Variants in CHSY3 observed in about 807,000 individuals in gnomAD.
CHSY3 encodes the protein N-acetylgalactosaminyl-proteoglycan 3-beta-glucuronosyltransferase 3.
In CHSY3, 35 loss-of-function variants were observed where a neutral mutation model predicts 67.2. That is an observed-to-expected ratio of 0.52 (90% CI 0.40 to 0.69). The LOEUF (loss-of-function observed/expected upper bound fraction) is 0.69, where lower values mean the gene tolerates loss of function less well. Among genes scored for constraint, CHSY3 ranks in the 30% least tolerant of loss-of-function variants. The pLI is 0.00. For synonymous variants in CHSY3, 474 were observed against 434.7 expected (o/e 1.09, Z -1.12); for missense variants, 1,069 against 1,138.5 (o/e 0.94, Z 0.88).
intron 2 of CHSY3, among the ~76,000 whole-genome samples, chr5:130,142,816 G>T (rs1172595657): frequency 6.6e-6 from 1 of 152,104 alleles, no homozygotes; most frequent in Non-Finnish European, 1.5e-5. Context: ...GGGACTGGAA[G>T]GGCCAAGGCT....
chr5:130,164,743 A>G (rs1296907203), intron 2 of CHSY3, among the ~76,000 whole-genome samples: 1 of 152,168 alleles, frequency 6.6e-6, no homozygotes, highest in Non-Finnish European at 1.5e-5. Flanking sequence ...ATCCTTCAGA[A>G]AATTCCCGAG....
intron 2 of CHSY3, among the ~76,000 whole-genome samples, chr5:130,113,195 A>G (rs1332746479): frequency 1.3e-5 from 2 of 152,114 alleles, no homozygotes; most frequent in Admixed American, 6.6e-5. Context: ...ATCAGCTAAC[A>G]TTTATAACAA....
Position 129,904,984 on chromosome 5 carries a change from C to T in CHSY3, c.155C>T (p.Ala52Val). 1.3e-6 allele frequency: 2 copies of T among 1,568,232 alleles called. No individual in the cohort carries two copies. Among genetic ancestry groups the T allele is most frequent in the Non-Finnish European group, 8.6e-7 (1 of 1,163,082 alleles). Residue 52 changes from alanine to valine, a missense_variant, in exon 1 of 3, where the codon GCT (alanine) becomes GTT (valine). By Grantham distance (64) the Ala-to-Val change is moderately conservative. Coordinates refer to ENST00000305031, the MANE Select transcript of CHSY3 (RefSeq NM_175856.5). ...CTCTGCTCCTACTACGGTCGCTCTG[C>T]TGCTGGCCCCCGCGCCGGCGCTCAG... ...SSLCSYYGRS[A>V]AGPRAGAQQP...
intron 2 of CHSY3, among the ~76,000 whole-genome samples, chr5:130,147,319 T>G (rs1397403364): frequency 6.6e-6 from 1 of 152,232 alleles, no homozygotes; most frequent in East Asian, 1.9e-4. Flanking sequence ...GAGTTGTGAT[T>G]GTATCAACTG....
intron 2 of CHSY3, among the ~76,000 whole-genome samples, chr5:129,917,457 C>G (rs1374297248): frequency 6.6e-6 from 1 of 152,146 alleles, no homozygotes; most frequent in Admixed American, 6.5e-5. Flanking sequence ...AGAGTAATGT[C>G]TCACAGTGTT....
At chr5:130,085,909 G>C (rs192434900) in intron 2 of CHSY3, among the ~76,000 whole-genome samples, 3,430 of 152,206 alleles carry the variant, frequency 0.023, 125 homozygotes, top group African/African-American at 0.076. Context: ...TTTCCATGTA[G>C]TTGAGCGGTT....
At chr5:130,100,388 G>C (rs2149698158) in intron 2 of CHSY3, among the ~76,000 whole-genome samples, 1 of 149,226 alleles carries the variant, frequency 6.7e-6, no homozygotes, top group East Asian at 2.0e-4. Flanking sequence ...GTAGAGACGG[G>C]CTTTCACCGT....
At chr5:129,913,354 C>A (rs1760631047) in intron 2 of CHSY3, among the ~76,000 whole-genome samples, 1 of 152,100 alleles carries the variant, frequency 6.6e-6, no homozygotes, top group Non-Finnish European at 1.5e-5. Context: ...AGTGATTTTC[C>A]AGTGAGACTG....
At chr5:129,972,952 G>A (rs756248609) in intron 2 of CHSY3, among the ~76,000 whole-genome samples, 28 of 151,658 alleles carry the variant, frequency 1.8e-4, no homozygotes, top group Non-Finnish European at 7.4e-5. Context: ...TTGATCTTTA[G>A]CCCACAGATA....
intron 2 of CHSY3, among the ~76,000 whole-genome samples, chr5:130,070,619 T>C (rs981345458): frequency 6.6e-6 from 1 of 152,112 alleles, no homozygotes; most frequent in African/African-American, 2.4e-5. Context: ...TTATCGGATG[T>C]TGAAACTGGA....
intron 2 of CHSY3, among the ~76,000 whole-genome samples, chr5:129,939,639 A>C (rs1405541411): frequency 6.6e-6 from 1 of 152,218 alleles, no homozygotes; most frequent in Non-Finnish European, 1.5e-5. Flanking sequence ...TATCTGAATG[A>C]TGCTTTGAAT....
intron 2 of CHSY3, among the ~76,000 whole-genome samples, chr5:130,177,877 C>T (rs577357390): frequency 6.6e-6 from 1 of 152,054 alleles, no homozygotes; most frequent in African/African-American, 2.4e-5. Flanking sequence ...TCTGGAACTA[C>T]TGTTATTTGG....
intron 2 of CHSY3, among the ~76,000 whole-genome samples, chr5:130,089,984 G>C (rs750547508): frequency 2.8e-4 from 43 of 152,122 alleles, no homozygotes; most frequent in Admixed American, 1.0e-3. Context: ...CACAGTAGAG[G>C]GAACGCATCT....
At chr5:130,150,189 G>A (rs1438350738) in intron 2 of CHSY3, among the ~76,000 whole-genome samples, 2 of 152,078 alleles carry the variant, frequency 1.3e-5, no homozygotes, top group African/African-American at 2.4e-5. Context: ...TTTTTCAGCA[G>A]TAAACAGAAG....
chr5:129,932,083 T>G lies in CHSY3; in HGVS notation c.1086+23723T>G, dbSNP rs116393580. Among the ~76,000 whole-genome samples, 258 of 144,162 alleles carry G rather than the reference T, an allele frequency of 1.8e-3. 2 individuals are homozygous for G. Among genetic ancestry groups the G allele is most frequent in the African/African-American group, 6.5e-3 (249 of 38,380 alleles). 94.6% of individuals were successfully genotyped at this position (144,162 alleles called of 152,430 possible). On this transcript the variant is annotated intron_variant, in intron 2 of 2. Transcript: ENST00000305031. The stretch of plus-strand genomic sequence containing the variant: ...TTTGTATATAAACAATAAAACCATA[T>G]GTAATGTAAACCATAAAACCATATA...
intron 2 of CHSY3, among the ~76,000 whole-genome samples, chr5:130,095,722 T>G (rs1407685401): frequency 1.3e-5 from 2 of 152,192 alleles, no homozygotes. Context: ...TGGGCAAAAG[T>G]ATAAGCAAAA....
In CHSY3 at chr5:130,062,164, T is replaced by C. The variant is rs945293850; in HGVS notation, c.1087-122065T>C. On this transcript the variant is annotated intron_variant, in intron 2 of 2. Transcript: ENST00000305031. ...AACCTAAGTGTCCATCAACAGTTGA[T>C]TGGATAACGAAAATGTGGTATATAT... Among the ~76,000 whole-genome samples, 123 of 152,070 alleles carry C rather than the reference T, an allele frequency of 8.1e-4. 2 individuals are homozygous for C. The highest frequency in any genetic ancestry group is 1.5e-3 in the Admixed American group (23 of 15,234).
chr5:129,937,734 G>A (rs1026308479), intron 2 of CHSY3, among the ~76,000 whole-genome samples: 3 of 152,068 alleles, frequency 2.0e-5, no homozygotes, highest in African/African-American at 7.2e-5. Context: ...AAAACAAAGG[G>A]GCTACAGGCC....
At chr5:129,977,178 A>G (rs1042187080) in intron 2 of CHSY3, among the ~76,000 whole-genome samples, 1 of 152,156 alleles carries the variant, frequency 6.6e-6, no homozygotes, top group Non-Finnish European at 1.5e-5. Flanking sequence ...TCCAAATGGC[A>G]TGAAGGCAAT....
Sources: allele counts gnomAD v4.1 joint callset (sites outside exome capture counted in the v4.1 genomes callset), GRCh38; gene constraint gnomAD v4.1.1; transcripts MANE v1.5; gene names NCBI Gene and HGNC (gene_info 2026-07-23, HGNC 2026-07-21).